The following TNIK variants were observed in gnomAD, a reference collection of about 807,000 sequenced individuals.
The protein encoded by TNIK is TRAF2 and NCK-interacting protein kinase.
In TNIK, 49 loss-of-function variants were observed where a neutral mutation model predicts 191.3. The ratio of observed to expected loss-of-function variants is 0.26; its 90% CI spans 0.20 to 0.32. TNIK has a LOEUF of 0.32. TNIK is among the 10% of genes least tolerant of loss of function. TNIK has a pLI of 1.00. For missense variants in TNIK, 1,155 were observed against 1,702.3 expected (o/e 0.68, Z 5.66); for synonymous variants, 594 against 600.9 (o/e 0.99, Z 0.17).
At chr3:171,364,574 C>T (rs980087099) in intron 2 of TNIK, among the ~76,000 whole-genome samples, 6 of 152,136 alleles carry the variant, frequency 3.9e-5, no homozygotes, top group African/African-American at 1.2e-4. Context: ...TAGTGATGGC[C>T]TAGACAGACT....
At chr3:171,377,438 C>A (rs997025191) in intron 1 of TNIK, among the ~76,000 whole-genome samples, 2 of 152,200 alleles carry the variant, frequency 1.3e-5, no homozygotes, top group African/African-American at 4.8e-5. Context: ...ACAAAGTCGG[C>A]CTTTAGAACT....
chr3:171,304,926 T>C (rs189719563), intron 2 of TNIK, among the ~76,000 whole-genome samples: 21 of 149,188 alleles, frequency 1.4e-4, no homozygotes, highest in African/African-American at 5.2e-4. Flanking sequence ...AGTTAATGGG[T>C]GCAGCACACC....
chr3:171,235,393 G>A (rs6801407), intron 2 of TNIK, among the ~76,000 whole-genome samples: 26,175 of 152,112 alleles, frequency 0.17, 2,987 homozygotes, highest in Middle Eastern at 0.28. Context: ...CCCCCTAGGT[G>A]TGGGGGCTCA....
At chr3:171,101,105 G>GTGTT (rs2108449498) in intron 22 of TNIK, among the ~76,000 whole-genome samples, 1 of 152,206 alleles carries the variant, frequency 6.6e-6, no homozygotes, top group East Asian at 1.9e-4. Context: ...CATGATTTCA[G>GTGTT]TGTTTCAGTT....
At chr3:171,329,221 CCTA>C (rs760048155) in intron 2 of TNIK, among the ~76,000 whole-genome samples, 31 of 152,022 alleles carry the variant, frequency 2.0e-4, no homozygotes, top group Non-Finnish European at 3.2e-4. Flanking sequence ...ATGCCTGGTC[CCTA>C]CTAAGTGCTC....
At chr3:171,107,300 T>C in intron 20 of TNIK, 94 bp from the exon 21 acceptor site, 1 of 1,149,954 alleles carries the variant, frequency 8.7e-7, no homozygotes, top group Non-Finnish European at 1.3e-6. Flanking sequence ...TAATTGTTAG[T>C]ACGCAACTGA....
At chr3:171,094,640 C>A (rs1722488335) in intron 22 of TNIK, among the ~76,000 whole-genome samples, 1 of 152,156 alleles carries the variant, frequency 6.6e-6, no homozygotes, top group Non-Finnish European at 1.5e-5. Flanking sequence ...CAGCAGACAA[C>A]CTGACCTGCT....
chr3:171,427,327 T>C (rs1192859212), intron 1 of TNIK, among the ~76,000 whole-genome samples: 6 of 152,204 alleles, frequency 3.9e-5, no homozygotes, highest in African/African-American at 7.2e-5. Flanking sequence ...TCAGCTCTTA[T>C]GTTTCTTCTC....
chr3:171,095,233 C>A (rs1470829998), intron 22 of TNIK, among the ~76,000 whole-genome samples: 1 of 152,190 alleles, frequency 6.6e-6, no homozygotes, highest in Admixed American at 6.5e-5. Flanking sequence ...GAGCACAGTG[C>A]CAGGGCTCAA....
intron 2 of TNIK, among the ~76,000 whole-genome samples, chr3:171,270,418 T>C (rs115322528): frequency 0.035 from 5,330 of 152,256 alleles, 128 homozygotes; most frequent in Middle Eastern, 0.065. Flanking sequence ...AGCACCACTA[T>C]AGAGCGACTG....
At chr3:171,404,929 T>G (rs139973403) in intron 1 of TNIK, among the ~76,000 whole-genome samples, 3 of 152,290 alleles carry the variant, frequency 2.0e-5, no homozygotes, top group African/African-American at 7.2e-5. Flanking sequence ...ACACGATGAT[T>G]ATAAATTTGA....
At chr3:171,420,624 TAA>T (rs1348905128) in intron 1 of TNIK, among the ~76,000 whole-genome samples, 1 of 152,216 alleles carries the variant, frequency 6.6e-6, no homozygotes, top group Non-Finnish European at 1.5e-5. Context: ...ATACCTATGG[TAA>T]AGTTTAACTT....
chr3:171,147,497 G>GA (rs1560181078), intron 12 of TNIK, among the ~76,000 whole-genome samples: 7 of 152,154 alleles, frequency 4.6e-5, no homozygotes, highest in Non-Finnish European at 1.0e-4. Flanking sequence ...TATAGGGTAA[G>GA]GGCATGATTC....
intron 2 of TNIK, among the ~76,000 whole-genome samples, chr3:171,234,578 G>T (rs1253215326): frequency 2.0e-5 from 3 of 152,138 alleles, no homozygotes; most frequent in Non-Finnish European, 4.4e-5. Flanking sequence ...GCTGAGACTT[G>T]CTCACAGACA....
At chr3:171,198,258 G>A (rs1405149810) in intron 4 of TNIK, among the ~76,000 whole-genome samples, 3 of 83,020 alleles carry the variant, frequency 3.6e-5, no homozygotes, top group African/African-American at 9.0e-5. Context: ...GCCAGACTCC[G>A]TCTCAAAAAA....
At chr3:171,404,594 A>C (rs988075963) in intron 1 of TNIK, among the ~76,000 whole-genome samples, 2 of 152,094 alleles carry the variant, frequency 1.3e-5, no homozygotes, top group African/African-American at 4.8e-5. Flanking sequence ...CTTCAGTCAA[A>C]GTCCTGCTTC....
chr3:171,268,845 T>G (rs888816426), intron 2 of TNIK, among the ~76,000 whole-genome samples: 2 of 152,170 alleles, frequency 1.3e-5, no homozygotes, highest in African/African-American at 4.8e-5. Context: ...AAGTTACAGT[T>G]GGCAGCTCTG....
chr3:171,225,278 T>C (rs1012506521), intron 3 of TNIK, among the ~76,000 whole-genome samples: 3 of 152,180 alleles, frequency 2.0e-5, no homozygotes, highest in Admixed American at 1.3e-4. Flanking sequence ...GACTGTGATG[T>C]GTAAGGGGGT....
At position 171,059,152 on chromosome 3, in the gene TNIK, GGAGT is replaced by G. The variant is rs370611644; in HGVS notation, c.*4725_*4728del. Among the ~76,000 whole-genome samples the G allele has an allele frequency of 2.6e-5, 4 of 152,162 alleles. No individual in the cohort carries two copies. The highest frequency in any genetic ancestry group is 9.7e-5 in the African/African-American group (4 of 41,448). On this transcript the variant is annotated 3_prime_UTR_variant, in exon 33 of 33. Coordinates refer to ENST00000436636, the MANE Select transcript of TNIK (RefSeq NM_015028.4). ...ATTAAAACCAAACCCTATCATGCAA[GGAGT>G]GAGTTTGAAGATATGTACACAAACT...
Sources: allele counts gnomAD v4.1 joint callset (sites outside exome capture counted in the v4.1 genomes callset), GRCh38; gene constraint gnomAD v4.1.1; transcripts MANE v1.5; gene names NCBI Gene and HGNC (gene_info 2026-07-23, HGNC 2026-07-21).